The following HPCAL4 variants were observed in gnomAD, a reference collection of about 807,000 sequenced individuals.
The protein encoded by HPCAL4 is hippocalcin like 4.
HPCAL4 carries 16 observed loss-of-function variants against 18.2 expected under a neutral mutation model. The observed-to-expected ratio is 0.88, with a 90% CI of 0.59 to 1.33. HPCAL4 has a LOEUF of 1.33. HPCAL4 is among the 40% of genes most tolerant of loss of function. The pLI, the probability that HPCAL4 is intolerant of heterozygous loss-of-function variation, is 0.00. For synonymous variants in HPCAL4, 80 were observed against 97.5 expected, an observed-to-expected ratio of 0.82 and a Z score of 1.06; for missense variants, 214 against 256.6, an observed-to-expected ratio of 0.83 and a Z score of 1.14.
In HPCAL4 at chr1:39,683,961, G is replaced by C; in HGVS notation, c.354C>G (p.Arg118=). 1 of 1,613,782 alleles carries C rather than the reference G, an allele frequency of 6.2e-7. No homozygotes were observed. Among genetic ancestry groups the C allele is most frequent in the Non-Finnish European group, 8.5e-7 (1 of 1,179,856 alleles). Reference sequence around the variant, plus strand: ...CCTCGATGATCTCCAGCATCTCCAGGCGCGTGATGCGCCCGTCGCCGTCCA... The same window carrying C: ...CCTCGATGATCTCCAGCATCTCCAGCCGCGTGATGCGCCCGTCGCCGTCCA... ...YDLDGDGRIT[R]LEMLEIIEAI... is the part of the protein sequence containing the mutation. Residue 118 remains arginine, a synonymous_variant, in exon 3 of 4, where the codon CGC becomes CGG. Coordinates refer to ENST00000372844, the MANE Select transcript of HPCAL4 (RefSeq NM_016257.4).
At chr1:39,684,675 C>T in intron 1 of HPCAL4, 64 bp from the exon 2 acceptor site, 1 of 1,392,000 alleles carries the variant, frequency 7.2e-7, no homozygotes, top group South Asian at 1.5e-5. Context: ...CCACAGCTGC[C>T]CCCTCCCCTG....
At chr1:39,683,147 G>T (rs1447655623) in intron 3 of HPCAL4, among the ~76,000 whole-genome samples, 2 of 152,172 alleles carry the variant, frequency 1.3e-5, no homozygotes, top group Non-Finnish European at 2.9e-5. Flanking sequence ...CCCTCCCAAA[G>T]TGCTAGGATT....
rs1213466250 is a variant in HPCAL4, at chr1:39,691,314, G to T, written c.-17C>A. On this transcript the variant is annotated 5_prime_UTR_variant, in exon 1 of 4. Coordinates refer to ENST00000372844, the MANE Select transcript of HPCAL4 (RefSeq NM_016257.4). Reference sequence around the variant, plus strand: ...GGTCCCACTCGCATTACCTGAGGCCGGTCGCCGGGTCGCTGGATGGCTCCG... The same window carrying T: ...GGTCCCACTCGCATTACCTGAGGCCTGTCGCCGGGTCGCTGGATGGCTCCG... 2 of 152,238 alleles carry T rather than the reference G, an allele frequency of 1.3e-5. No individual in the cohort carries two copies. The highest frequency in any genetic ancestry group is 6.5e-5 in the Admixed American group (1 of 15,286). 9.4% of individuals were successfully genotyped at this position (152,238 alleles called of 1,614,324 possible). A position where few individuals can be genotyped will look rare whatever the true frequency, so the allele number is the denominator to read the frequency against.
At position 39,680,369 on chromosome 1, in the gene HPCAL4, A is replaced by C. The variant is rs1008420368; in HGVS notation, c.*2167T>G. 1.3e-5 allele frequency: 2 copies of C among 152,172 alleles called. No homozygotes were observed. Among genetic ancestry groups the C allele is most frequent in the Admixed American group, 6.5e-5 (1 of 15,282 alleles). 9.4% of individuals were successfully genotyped at this position (152,172 alleles called of 1,614,324 possible). A position where few individuals can be genotyped will look rare whatever the true frequency, so the allele number is the denominator to read the frequency against. On this transcript the variant is annotated 3_prime_UTR_variant, in exon 4 of 4. Transcript: ENST00000372844. The stretch of plus-strand genomic sequence containing the variant: ...AAAATCCTCACCTCCATGGGATGTG[A>C]GTATAGAATGAGATGGGGCACATGG...
chr1:39,681,410 T>C lies in HPCAL4; in HGVS notation c.*1126A>G, dbSNP rs181668637. On this transcript the variant is annotated 3_prime_UTR_variant, in exon 4 of 4. Transcript: ENST00000372844. ...CCAAGATACGGAATATACACTAGTT[T>C]CACTCTTTGCAAACCTTGCTTTTTC... is the stretch of plus-strand genomic sequence containing the variant. The C allele has an allele frequency of 6.6e-6, 1 of 152,342 alleles. No homozygotes were observed. Among genetic ancestry groups the C allele is most frequent in the Non-Finnish European group, 1.5e-5 (1 of 68,034 alleles). 9.4% of individuals were successfully genotyped at this position (152,342 alleles called of 1,614,324 possible).
chr1:39,689,806 G>A (rs1646703904), intron 1 of HPCAL4, among the ~76,000 whole-genome samples: 1 of 152,206 alleles, frequency 6.6e-6, no homozygotes, highest in Admixed American at 6.5e-5. Flanking sequence ...AGCTTCAGAG[G>A]AGCTGGTACT....
chr1:39,688,153 T>G (rs556158017), intron 1 of HPCAL4, among the ~76,000 whole-genome samples: 1 of 152,210 alleles, frequency 6.6e-6, no homozygotes, highest in South Asian at 2.1e-4. Context: ...ACATCTGCCC[T>G]CTGGGAAAAT....
rs1302177746 is a variant in HPCAL4, at chr1:39,682,751, A to G, written c.379-18T>C. 1 of 1,612,818 alleles carries G rather than the reference A, an allele frequency of 6.2e-7. No individual in the cohort carries two copies. Among genetic ancestry groups the G allele is most frequent in the Admixed American group, 1.7e-5 (1 of 60,012 alleles). On this transcript the variant is annotated intron_variant, in intron 3 of 3. Coordinates refer to ENST00000372844, the MANE Select transcript of HPCAL4 (RefSeq NM_016257.4). ...TAGATTGCCTGGTGAGGGAAGGAGG[A>G]GGGAGGTGTGAACACCCACAAGGGG...
chr1:39,688,543 A>G (rs1377077826), intron 1 of HPCAL4, among the ~76,000 whole-genome samples: 11 of 152,276 alleles, frequency 7.2e-5, no homozygotes, highest in African/African-American at 1.4e-4. Context: ...CCTGCCTGGC[A>G]GGAAGTGCCT....
At chr1:39,682,793 G>A in intron 3 of HPCAL4, 60 bp from the exon 4 acceptor site, 1 of 1,358,752 alleles carries the variant, frequency 7.4e-7, no homozygotes, top group African/African-American at 1.4e-5. Context: ...GAAGCAGCGG[G>A]TGAAGGAAAG....
chr1:39,683,552 C>A (rs1646645170), intron 3 of HPCAL4, among the ~76,000 whole-genome samples: 2 of 152,222 alleles, frequency 1.3e-5, no homozygotes, highest in African/African-American at 4.8e-5. Flanking sequence ...GGCCTGACCC[C>A]GCATGTCTTC....
intron 1 of HPCAL4, among the ~76,000 whole-genome samples, chr1:39,685,707 G>A (rs190324253): frequency 8.9e-4 from 134 of 150,442 alleles, no homozygotes; most frequent in Non-Finnish European, 1.6e-3. Context: ...GTGAAACCCT[G>A]TCTCTACTAC....
intron 1 of HPCAL4, among the ~76,000 whole-genome samples, chr1:39,688,935 C>G (rs1646697752): frequency 6.6e-6 from 1 of 152,294 alleles, no homozygotes; most frequent in Non-Finnish European, 1.5e-5. Flanking sequence ...AGTCAGTCCC[C>G]CACAGGCGTG....
chr1:39,689,575 G>A (rs1646702236), intron 1 of HPCAL4, among the ~76,000 whole-genome samples: 1 of 152,214 alleles, frequency 6.6e-6, no homozygotes, highest in African/African-American at 2.4e-5. Context: ...TGCTCTGCTG[G>A]AGCTGTGGCC....
Position 39,684,254 on chromosome 1 carries a change from C to CCCCGGGTGCCTCGACTCCTCCCAT in HPCAL4, c.163-103_163-102insATGGGAGGAGTCGAGGCACCCGGG, listed in dbSNP as rs752318037. 1.2e-5 allele frequency: 12 copies of CCCCGGGTGCCTCGACTCCTCCCAT among 1,022,610 alleles called. No individual in the cohort carries two copies. The Admixed American group carries it at 1.7e-4, about 14-fold the overall frequency. 63.3% of individuals were successfully genotyped at this position (1,022,610 alleles called of 1,614,324 possible). A position where few individuals can be genotyped will look rare whatever the true frequency, so the allele number is the denominator to read the frequency against. On this transcript the variant is annotated intron_variant, in intron 2 of 3. Coordinates refer to ENST00000372844, the MANE Select transcript of HPCAL4 (RefSeq NM_016257.4). ...ACCCCGGGTGCCTCGCCTCCTCCCA[C>CCCCGGGTGCCTCGACTCCTCCCAT]CCCGGGTGCCTTGCCCCCGCCACCC...
intron 2 of HPCAL4, 50 bp downstream of exon 2, chr1:39,684,392 T>TC: frequency 8.3e-7 from 1 of 1,197,742 alleles, no homozygotes; most frequent in Non-Finnish European, 1.0e-6. Flanking sequence ...GTTCCTCGCC[T>TC]CCCCCAACCC....
At chr1:39,686,138 T>G (rs6690939) in intron 1 of HPCAL4, among the ~76,000 whole-genome samples, 112,242 of 146,444 alleles carry the variant, frequency 0.77, 42,792 homozygotes, top group South Asian at 0.85. Context: ...CCGAGATCGC[T>G]CCACTGCACT....
At chr1:39,683,129 C>T (rs528634488) in intron 3 of HPCAL4, among the ~76,000 whole-genome samples, 6 of 152,310 alleles carry the variant, frequency 3.9e-5, no homozygotes, top group African/African-American at 1.2e-4. Context: ...GGTAATCCAC[C>T]GGCCTCACCC....
Position 39,684,489 on chromosome 1 carries a change from G to C in HPCAL4, c.115C>G (p.Pro39Ala), listed in dbSNP as rs780780593. Residue 39 changes from proline to alanine, a missense_variant, in exon 2 of 4, where the codon CCC (proline) becomes GCC (alanine). Pro to Ala is a conservative substitution (Grantham distance 27). Coordinates refer to ENST00000372844, the MANE Select transcript of HPCAL4 (RefSeq NM_016257.4). ...TCCTCCAGGTTGAGGATGCCGCTGG[G>C]GCAGTCCTTCAGGAAGCCCTTGTAC... ...QWYKGFLKDCPSGILNLEEFQ... is the reference protein window; with the variant it reads ...QWYKGFLKDCASGILNLEEFQ... 8 of 1,613,288 alleles carry C rather than the reference G, an allele frequency of 5.0e-6. No individual in the cohort carries two copies. The South Asian group carries it at 7.7e-5, about 16-fold the overall frequency.
Sources: gnomAD v4.1 joint callset for allele counts (sites outside exome capture counted in the v4.1 genomes callset) on GRCh38, gnomAD v4.1.1 for gene constraint, MANE v1.5 for transcripts, NCBI Gene and HGNC (gene_info 2026-07-23, HGNC 2026-07-21) for gene names.